The following EXOC6B variants were observed in gnomAD, a reference collection of about 807,000 sequenced individuals.
EXOC6B encodes exocyst complex component 6B.
A neutral mutation model predicts 113.5 loss-of-function variants in EXOC6B; 54 were observed. The ratio of observed to expected loss-of-function variants is 0.48; its 90% confidence interval spans 0.38 to 0.60. EXOC6B has a LOEUF of 0.60. Ranked by LOEUF, EXOC6B falls within the 20% of genes least tolerant of loss-of-function variation. EXOC6B has a pLI of 0.00. For synonymous variants in EXOC6B, 357 were observed against 339.0 expected (o/e 1.05, Z -0.58); for missense variants, 797 against 977.5 (o/e 0.82, Z 2.46).
chr2:72,769,677 T>G (rs1683298912), intron 1 of EXOC6B, among the ~76,000 whole-genome samples: 2 of 152,102 alleles, frequency 1.3e-5, no homozygotes, highest in African/African-American at 4.8e-5. Flanking sequence ...CCGGGTGTGG[T>G]GACACGTGCC....
intron 19 of EXOC6B, among the ~76,000 whole-genome samples, chr2:72,347,217 G>T (rs1572947919): frequency 6.6e-6 from 1 of 152,116 alleles, no homozygotes; most frequent in South Asian, 2.1e-4. Flanking sequence ...GCCTCTCCCA[G>T]TTGGCAATCA....
At chr2:72,651,335 C>G (rs1558882505) in intron 6 of EXOC6B, among the ~76,000 whole-genome samples, 1 of 152,194 alleles carries the variant, frequency 6.6e-6, no homozygotes, top group Non-Finnish European at 1.5e-5. Context: ...TACCCTCAAC[C>G]TTCATTTGTG....
chr2:72,557,458 T>C (rs770998401), intron 8 of EXOC6B, among the ~76,000 whole-genome samples: 47 of 152,270 alleles, frequency 3.1e-4, no homozygotes, highest in African/African-American at 9.1e-4. Context: ...GAATGGTACA[T>C]GTGCAGCCAT....
chr2:72,519,037 T>C (rs1473659505), intron 8 of EXOC6B, among the ~76,000 whole-genome samples: 1 of 152,178 alleles, frequency 6.6e-6, no homozygotes, highest in Non-Finnish European at 1.5e-5. Context: ...GAATAAACAG[T>C]ACATCATTAT....
At chr2:72,814,372 T>C (rs1303601858) in intron 1 of EXOC6B, among the ~76,000 whole-genome samples, 1 of 152,258 alleles carries the variant, frequency 6.6e-6, no homozygotes, top group East Asian at 1.9e-4. Context: ...TGCTTTTATG[T>C]AATAATTAAT....
At chr2:72,721,718 A>G (rs970134487) in intron 5 of EXOC6B, 2 of 152,066 alleles carry the variant, frequency 1.3e-5, no homozygotes, top group African/African-American at 4.8e-5. Flanking sequence ...ACTAACCTAG[A>G]TGTCTAATAA....
At position 72,807,680 on chromosome 2, in the gene EXOC6B, C is replaced by G. The variant is rs144024099; in HGVS notation, c.113+18118G>C. Among the ~76,000 whole-genome samples the G allele has an allele frequency of 3.0e-3, 450 of 152,084 alleles. 2 individuals carry two copies. Among genetic ancestry groups the G allele is most frequent in the African/African-American group, 8.0e-3 (331 of 41,494 alleles). On this transcript the variant is annotated intron_variant, in intron 1 of 21. Transcript: ENST00000272427. ...ATTCAGCCACTAAAAAGAAAGAGAT[C>G]CTGTCATTTGCAATAACATGGTTAC...
rs139056993 is a variant in EXOC6B, at chr2:72,288,476, T to C, written c.2196+46471A>G. Among the ~76,000 whole-genome samples, 734 of 152,138 alleles carry C rather than the reference T, an allele frequency of 4.8e-3. 9 individuals carry two copies. The highest frequency in any genetic ancestry group is 0.016 in the African/African-American group (676 of 41,492). ...CCATCAACAATCAAATAGAGATCAATATAACAAAGTATGTCATAGTCATAT... is the reference window on the plus strand; with the variant it reads ...CCATCAACAATCAAATAGAGATCAACATAACAAAGTATGTCATAGTCATAT... On this transcript the variant is annotated intron_variant, in intron 20 of 21. Coordinates refer to ENST00000272427, the MANE Select transcript of EXOC6B (RefSeq NM_015189.3).
rs1428225125 is a variant in EXOC6B at position 72,185,322 on chromosome 2, G to T, written c.2197-1135C>A. Among the ~76,000 whole-genome samples the T allele has an allele frequency of 3.3e-5, 5 of 152,266 alleles. No individual in the cohort carries two copies. In the East Asian group the frequency reaches 9.6e-4, roughly 29 times the overall value. ...TCCAATGCCAGAGCCTGGGCTCTAGGCACACCTTCCTCCATGTCTGTCTTC... is the reference window on the plus strand; with the variant it reads ...TCCAATGCCAGAGCCTGGGCTCTAGTCACACCTTCCTCCATGTCTGTCTTC... On this transcript the variant is annotated intron_variant, in intron 20 of 21. Transcript: ENST00000272427.
intron 8 of EXOC6B, among the ~76,000 whole-genome samples, chr2:72,521,746 G>C (rs908507839): frequency 6.6e-6 from 1 of 152,134 alleles, no homozygotes; most frequent in Non-Finnish European, 1.5e-5. Context: ...ACTCAGGCTG[G>C]AGTGCAGTGG....
At chr2:72,365,797 T>C (rs1690588624) in intron 19 of EXOC6B, among the ~76,000 whole-genome samples, 1 of 152,128 alleles carries the variant, frequency 6.6e-6, no homozygotes, top group Non-Finnish European at 1.5e-5. Context: ...GACCATACTT[T>C]GTGTTTCCAC....
At chr2:72,631,451 TATATATATATAG>T (rs1672431598) in intron 6 of EXOC6B, among the ~76,000 whole-genome samples, 3 of 46,000 alleles carry the variant, frequency 6.5e-5, no homozygotes, top group South Asian at 8.8e-4. Flanking sequence ...TATATATATA[TATATATATATAG>T]AGAGAGAGAG....
chr2:72,400,858 A>G (rs1036228378), intron 18 of EXOC6B, among the ~76,000 whole-genome samples: 1 of 152,032 alleles, frequency 6.6e-6, no homozygotes, highest in Non-Finnish European at 1.5e-5. Flanking sequence ...GTAAATTAAT[A>G]TAGCCTATAT....
intron 1 of EXOC6B, among the ~76,000 whole-genome samples, chr2:72,807,945 TA>T (rs1685670396): frequency 6.6e-6 from 1 of 152,114 alleles, no homozygotes; most frequent in Admixed American, 6.5e-5. Flanking sequence ...TAAAACTAAC[TA>T]AAAGATTATA....
At chr2:72,580,733 G>A (rs915394542) in intron 6 of EXOC6B, among the ~76,000 whole-genome samples, 3 of 152,090 alleles carry the variant, frequency 2.0e-5, no homozygotes, top group Non-Finnish European at 4.4e-5. Flanking sequence ...ACTTCTTGCT[G>A]CCTGCCCTAG....
intron 20 of EXOC6B, among the ~76,000 whole-genome samples, chr2:72,214,631 C>A (rs969208083): frequency 6.6e-6 from 1 of 152,164 alleles, no homozygotes; most frequent in African/African-American, 2.4e-5. Context: ...TTGTGCTGCC[C>A]ATACTTTCCA....
intron 18 of EXOC6B, among the ~76,000 whole-genome samples, chr2:72,444,890 T>A (rs931438822): frequency 1.3e-5 from 2 of 152,160 alleles, no homozygotes; most frequent in Non-Finnish European, 1.5e-5. Context: ...CTGGAGACAT[T>A]TTTCCCATTG....
intron 6 of EXOC6B, among the ~76,000 whole-genome samples, chr2:72,713,667 G>A (rs1049883099): frequency 6.8e-6 from 1 of 146,998 alleles, no homozygotes; most frequent in African/African-American, 2.5e-5. Flanking sequence ...AGCCAATACT[G>A]TGATTGTCAG....
At chr2:72,514,041 T>A (rs1330814616) in intron 10 of EXOC6B, among the ~76,000 whole-genome samples, 1 of 152,144 alleles carries the variant, frequency 6.6e-6, no homozygotes, top group East Asian at 1.9e-4. Context: ...GGGATGTTTA[T>A]TTGGGAAATG....
Sources: gnomAD v4.1 joint callset for allele counts (sites outside exome capture counted in the v4.1 genomes callset) on GRCh38, gnomAD v4.1.1 for gene constraint, MANE v1.5 for transcripts, NCBI Gene and HGNC (gene_info 2026-07-23, HGNC 2026-07-21) for gene names.